The following ZNF563 variants were observed in gnomAD, a reference collection of about 807,000 sequenced individuals.
ZNF563 encodes the protein zinc finger protein 563.
ZNF563 carries 39 observed loss-of-function variants against 48.5 expected under a neutral mutation model. The observed-to-expected ratio is 0.80, with a 90% CI of 0.62 to 1.05. The LOEUF (loss-of-function observed/expected upper bound fraction) is 1.05. Ranked by LOEUF, ZNF563 falls within the 50% of genes least tolerant of loss-of-function variation. The probability of loss-of-function intolerance (pLI) is 0.00; values close to 1 mark genes in which losing one functional copy is unlikely to be tolerated. For missense variants in ZNF563, 538 were observed against 597.0 expected (o/e 0.90, Z 1.03); for synonymous variants, 168 against 187.9 (o/e 0.89, Z 0.87).
At chr19:12,340,078 T>C in the ZNF563 span, among the ~76,000 whole-genome samples, 2 of 152,210 alleles carry the variant, frequency 1.3e-5, no homozygotes, top group Non-Finnish European at 2.9e-5. Flanking sequence ...CTCACATCTG[T>C]AATCCCAGTA....
chr19:12,337,423 A>G (rs1363947761), upstream of ZNF563, among the ~76,000 whole-genome samples: 1 of 152,036 alleles, frequency 6.6e-6, no homozygotes, highest in Non-Finnish European at 1.5e-5. Context: ...AGGCTGGTCT[A>G]AACTCTTAGA....
At position 12,318,956 on chromosome 19, in the gene ZNF563, G is replaced by A. The variant is rs1448715984; in HGVS notation, c.1069C>T (p.Arg357Ter). The A allele has an allele frequency of 3.1e-6, 5 of 1,611,786 alleles. No individual in the cohort carries two copies. Among genetic ancestry groups the A allele is most frequent in the East Asian group, 2.2e-5 (1 of 44,648 alleles). The change falls in exon 4 of 4, where the codon CGA becomes TGA. Residue 357 changes from arginine (R) to a stop codon, truncating the protein, a stop_gained. Coordinates refer to ENST00000293725, the MANE Select transcript of ZNF563 (RefSeq NM_145276.3). LOFTEE classifies it high-confidence loss of function. Reference protein sequence around the residue: ...DRPSLVRYHERIHTGEKPYEC... With the variant: ...DRPSLVRYHE ...TAGGGTTTCTCTCCAGTGTGAATTCGTTCATGATATCGAACTAAACTGGGA... is the reference window on the plus strand; with the variant it reads ...TAGGGTTTCTCTCCAGTGTGAATTCATTCATGATATCGAACTAAACTGGGA...
the ZNF563 span, among the ~76,000 whole-genome samples, chr19:12,342,388 AAATT>A: frequency 6.6e-6 from 1 of 152,220 alleles, no homozygotes; most frequent in African/African-American, 2.4e-5. Flanking sequence ...AAATAAGTGT[AAATT>A]AATTCATTCT....
chr19:12,343,784 A>G, the ZNF563 span, among the ~76,000 whole-genome samples: 51 of 135,790 alleles, frequency 3.8e-4, no homozygotes, highest in Middle Eastern at 4.6e-3. Flanking sequence ...AGGCTGGAGT[A>G]CAGTGGCGCG....
chr19:12,318,809 T>C lies in ZNF563; in HGVS notation c.1216A>G (p.Ser406Gly), dbSNP rs1968506145. The stretch of plus-strand genomic sequence containing the variant: ...GACTTTTCGTGTCTTTGACATACAC[T>C]AGGATAAACAAAAGCTTTCCCACAT... ...KICGKAFVYP[S>G]VCQRHEKSHS... The change falls in exon 4 of 4, where the codon AGT (serine) becomes GGT (glycine). Residue 406 changes from serine to glycine, a missense_variant. Physicochemically the swap from Ser to Gly is moderately conservative, Grantham distance 56 (BLOSUM62 0). Transcript: ENST00000293725. 1 of 1,614,178 alleles carries C rather than the reference T, an allele frequency of 6.2e-7. No individual in the cohort carries two copies. The highest frequency in any genetic ancestry group is 8.5e-7 in the Non-Finnish European group (1 of 1,180,036).
chr19:12,321,966 T>C (rs1315808045), intron 2 of ZNF563, among the ~76,000 whole-genome samples: 1 of 152,238 alleles, frequency 6.6e-6, no homozygotes, highest in Non-Finnish European at 1.5e-5. Flanking sequence ...TTTCTTTCTC[T>C]AGTTCACTTT....
intron 1 of ZNF563, among the ~76,000 whole-genome samples, chr19:12,323,390 G>A (rs1265588926): frequency 6.6e-6 from 1 of 152,198 alleles, no homozygotes; most frequent in Non-Finnish European, 1.5e-5. Flanking sequence ...GAGTCTTGAA[G>A]GTTCAGAGCT....
intron 1 of ZNF563, among the ~76,000 whole-genome samples, chr19:12,329,404 C>T (rs779303373): frequency 1.3e-5 from 2 of 148,962 alleles, no homozygotes; most frequent in South Asian, 2.1e-4. Flanking sequence ...ACCCGGGAAG[C>T]GCAGGTTGCA....
the ZNF563 span, among the ~76,000 whole-genome samples, chr19:12,344,630 A>G: frequency 0.038 from 5,725 of 152,282 alleles, 356 homozygotes; most frequent in African/African-American, 0.13. Context: ...AATTTGAAAG[A>G]CTGAAAGCCT....
the ZNF563 span, among the ~76,000 whole-genome samples, chr19:12,342,768 G>A: frequency 1.7e-4 from 25 of 146,110 alleles, no homozygotes; most frequent in Admixed American, 1.6e-3. Flanking sequence ...GTGAGATCAT[G>A]TCTCAAAAAT....
At chr19:12,330,778 T>G (rs1968900453) in intron 1 of ZNF563, among the ~76,000 whole-genome samples, 1 of 152,228 alleles carries the variant, frequency 6.6e-6, no homozygotes, top group South Asian at 2.1e-4. Flanking sequence ...TTTCATGAAT[T>G]TTTATTCACT....
intron 2 of ZNF563, among the ~76,000 whole-genome samples, chr19:12,322,343 C>T (rs1035586284): frequency 5.9e-5 from 9 of 152,278 alleles, no homozygotes; most frequent in African/African-American, 1.7e-4. Context: ...TGTGAGCCAC[C>T]GTGCCCAGCC....
chr19:12,342,654 C>T, the ZNF563 span, among the ~76,000 whole-genome samples: 1 of 151,306 alleles, frequency 6.6e-6, no homozygotes, highest in Non-Finnish European at 1.5e-5. Flanking sequence ...GCACCTATAG[C>T]CCCAATTACT....
At chr19:12,329,046 A>G (rs1257006344) in intron 1 of ZNF563, among the ~76,000 whole-genome samples, 1 of 152,190 alleles carries the variant, frequency 6.6e-6, no homozygotes, top group African/African-American at 2.4e-5. Context: ...ATTCTCTAGA[A>G]AGTAAAACTC....
At chr19:12,332,596 T>C (rs563492651) in intron 1 of ZNF563, among the ~76,000 whole-genome samples, 213 of 152,262 alleles carry the variant, frequency 1.4e-3, no homozygotes, top group Non-Finnish European at 2.3e-3. Flanking sequence ...TCTAACTTTC[T>C]TTATGGCCCA....
the ZNF563 span, chr19:12,346,532 G>C: frequency 6.6e-6 from 1 of 152,178 alleles, no homozygotes; most frequent in Non-Finnish European, 1.5e-5. Context: ...CAATATACCT[G>C]TTCCTGAAAA....
At chr19:12,334,285 A>G (rs1449177887), upstream of ZNF563, among the ~76,000 whole-genome samples, 3 of 151,386 alleles carry the variant, frequency 2.0e-5, no homozygotes, top group Non-Finnish European at 4.4e-5. Flanking sequence ...CAAAACAAAA[A>G]TACAACAGGA....
the ZNF563 span, among the ~76,000 whole-genome samples, chr19:12,340,916 G>C: frequency 6.6e-6 from 1 of 151,182 alleles, no homozygotes; most frequent in African/African-American, 2.4e-5. Context: ...GAGAAATGTA[G>C]AGTATTTTGC....
chr19:12,347,002 C>G, the ZNF563 span: 1 of 152,136 alleles, frequency 6.6e-6, no homozygotes, highest in East Asian at 1.9e-4. Flanking sequence ...CACAGTAACA[C>G]GTATAAAATG....
Sources: gnomAD v4.1 joint callset for allele counts (sites outside exome capture counted in the v4.1 genomes callset) on GRCh38, gnomAD v4.1.1 for gene constraint, MANE v1.5 for transcripts, NCBI Gene and HGNC (gene_info 2026-07-23, HGNC 2026-07-21) for gene names.